GPC5: variants seen among roughly 807,000 people sequenced by gnomAD.
GPC5 encodes the protein glypican-5.
Under a neutral mutation model 53.9 loss-of-function variants are expected in GPC5, and 47 were observed. The ratio of observed to expected loss-of-function variants is 0.87; its 90% CI spans 0.69 to 1.11. The LOEUF (loss-of-function observed/expected upper bound fraction) is 1.11, where lower values mean the gene tolerates loss of function less well. Among genes scored for constraint, GPC5 ranks in the 50% most tolerant of loss-of-function variants. The pLI is 0.00. For missense variants in GPC5, 748 were observed against 713.1 expected (o/e 1.05, Z -0.56); for synonymous variants, 286 against 263.3 (o/e 1.09, Z -0.84).
rs7319643 is a variant in GPC5 at position 91,427,180 on chromosome 13, C to G, written c.164-21581C>G. ...CCCACACAGAGTCTCCACTGGGGCA[C>G]TGCCTAGTGCAGCTGTGAGAAGAGG... On this transcript the variant is annotated intron_variant, in intron 1 of 7. Coordinates refer to ENST00000377067, the MANE Select transcript of GPC5 (RefSeq NM_004466.6). 7.4e-3 allele frequency among the ~76,000 whole-genome samples: 1,131 copies of G among 152,354 alleles called. 20 individuals carry two copies. In the South Asian group the frequency reaches 0.079, roughly 11 times the overall value.
At chr13:92,059,618 G>A (rs778354470) in intron 6 of GPC5, among the ~76,000 whole-genome samples, 11 of 151,662 alleles carry the variant, frequency 7.3e-5, no homozygotes, top group East Asian at 3.9e-4. Context: ...TTATAATGAC[G>A]GTAGGATAGT....
At chr13:92,299,715 C>T (rs2043062186) in intron 7 of GPC5, among the ~76,000 whole-genome samples, 1 of 152,076 alleles carries the variant, frequency 6.6e-6, no homozygotes, top group South Asian at 2.1e-4. Flanking sequence ...ATTCTTGTAA[C>T]CATGTGTTGT....
chr13:91,714,282 T>C (rs932216227), intron 3 of GPC5, among the ~76,000 whole-genome samples: 19 of 152,190 alleles, frequency 1.2e-4, no homozygotes, highest in African/African-American at 4.6e-4. Context: ...AGAACAAGGT[T>C]GTTTATATTT....
intron 5 of GPC5, among the ~76,000 whole-genome samples, chr13:91,798,336 C>T (rs1295372992): frequency 1.3e-5 from 2 of 151,992 alleles, no homozygotes; most frequent in South Asian, 2.1e-4. Context: ...TTGATGCTGT[C>T]CCTTCCCCTG....
At chr13:92,213,990 G>T (rs756069545) in intron 7 of GPC5, among the ~76,000 whole-genome samples, 5 of 152,122 alleles carry the variant, frequency 3.3e-5, no homozygotes, top group Non-Finnish European at 7.4e-5. Context: ...ATTGTAATCT[G>T]CTGTTTATTC....
rs532311774 is a variant in GPC5 at position 92,595,629 on chromosome 13, G to A, written c.1562-270653G>A. 6.2e-3 allele frequency among the ~76,000 whole-genome samples: 945 copies of A among 151,426 alleles called. 12 individuals are homozygous for A. The highest frequency in any genetic ancestry group is 0.022 in the African/African-American group (900 of 41,262). On this transcript the variant is annotated intron_variant, in intron 7 of 7. Coordinates refer to ENST00000377067, the MANE Select transcript of GPC5 (RefSeq NM_004466.6). Reference sequence around the variant, plus strand: ...TGAAAATACAAAAAATTAGCCGGGCGTGGTGGCGGGCACCTGTAATCCCAG... The same window carrying A: ...TGAAAATACAAAAAATTAGCCGGGCATGGTGGCGGGCACCTGTAATCCCAG...
At chr13:91,484,988 A>T (rs1014485978) in intron 2 of GPC5, among the ~76,000 whole-genome samples, 1 of 152,246 alleles carries the variant, frequency 6.6e-6, no homozygotes, top group Admixed American at 6.5e-5. Context: ...GACCAGTAAG[A>T]TGTGTATGAT....
chr13:91,792,970 C>G (rs1266544532), intron 5 of GPC5, among the ~76,000 whole-genome samples: 2 of 152,108 alleles, frequency 1.3e-5, no homozygotes, highest in African/African-American at 2.4e-5. Flanking sequence ...GAAAGTCCAT[C>G]TTTTCGAGGC....
intron 7 of GPC5, among the ~76,000 whole-genome samples, chr13:92,818,876 A>G (rs1877578833): frequency 6.6e-6 from 1 of 152,026 alleles, no homozygotes; most frequent in Admixed American, 6.5e-5. Context: ...TGGCAAATAC[A>G]GTTCTTTCTA....
At chr13:91,636,417 C>G (rs934599942) in intron 2 of GPC5, among the ~76,000 whole-genome samples, 1 of 151,634 alleles carries the variant, frequency 6.6e-6, no homozygotes. Context: ...TGTATATACA[C>G]GTGTGTGCAG....
intron 2 of GPC5, among the ~76,000 whole-genome samples, chr13:91,546,509 T>C (rs1279149654): frequency 6.6e-6 from 1 of 152,102 alleles, no homozygotes; most frequent in Non-Finnish European, 1.5e-5. Context: ...AGCCATGTGA[T>C]TTTTAATCAA....
intron 7 of GPC5, among the ~76,000 whole-genome samples, chr13:92,796,421 T>G (rs995311716): frequency 2.0e-5 from 3 of 151,878 alleles, no homozygotes; most frequent in Non-Finnish European, 4.4e-5. Context: ...AATGATGAGT[T>G]TATGGGTGCA....
intron 7 of GPC5, among the ~76,000 whole-genome samples, chr13:92,653,864 G>A (rs1886039571): frequency 6.6e-6 from 1 of 152,210 alleles, no homozygotes; most frequent in Admixed American, 6.5e-5. Flanking sequence ...AAAGCAACCA[G>A]AGTGAAGTAG....
chr13:91,571,072 T>C (rs1594269482), intron 2 of GPC5, among the ~76,000 whole-genome samples: 1 of 152,172 alleles, frequency 6.6e-6, no homozygotes, highest in Non-Finnish European at 1.5e-5. Context: ...TGTATTTGGC[T>C]TTATTTTTAA....
chr13:91,442,530 C>G (rs1880513905), intron 1 of GPC5, among the ~76,000 whole-genome samples: 1 of 152,214 alleles, frequency 6.6e-6, no homozygotes, highest in African/African-American at 2.4e-5. Context: ...CATACCAGGT[C>G]TCCCTCCATC....
At chr13:92,642,275 AT>A (rs112528975) in intron 7 of GPC5, among the ~76,000 whole-genome samples, 4,194 of 152,254 alleles carry the variant, frequency 0.028, 193 homozygotes, top group African/African-American at 0.095. Flanking sequence ...GATCAGCAGG[AT>A]AGCAGATGTC....
intron 7 of GPC5, among the ~76,000 whole-genome samples, chr13:92,424,779 A>G (rs1594190983): frequency 6.6e-6 from 1 of 151,774 alleles, no homozygotes; most frequent in East Asian, 1.9e-4. Context: ...CTTCACTGTC[A>G]TTTCTATAGT....
chr13:91,899,097 C>A (rs995524076), intron 5 of GPC5, among the ~76,000 whole-genome samples: 7 of 152,240 alleles, frequency 4.6e-5, no homozygotes, highest in Middle Eastern at 3.4e-3. Context: ...GCTATCAACA[C>A]CTTCATAATA....
chr13:92,563,267 A>G (rs1163011337), intron 7 of GPC5, among the ~76,000 whole-genome samples: 1 of 152,032 alleles, frequency 6.6e-6, no homozygotes, highest in Non-Finnish European at 1.5e-5. Flanking sequence ...GATACTGAAC[A>G]GTGTTTAAAA....
Sources: gnomAD v4.1 joint callset for allele counts (sites outside exome capture counted in the v4.1 genomes callset) on GRCh38, gnomAD v4.1.1 for gene constraint, MANE v1.5 for transcripts, NCBI Gene and HGNC (gene_info 2026-07-23, HGNC 2026-07-21) for gene names.